Variants in UNC13C observed in about 807,000 individuals in gnomAD.
UNC13C encodes unc-13 homolog C, also known as protein unc-13 homolog C.
A neutral mutation model predicts 245.4 loss-of-function variants in UNC13C; 174 were observed. That is an observed-to-expected ratio of 0.71 (90% confidence interval 0.63 to 0.80). UNC13C has a LOEUF of 0.80. Ranked by LOEUF, UNC13C falls within the 30% of genes least tolerant of loss-of-function variation. The pLI, the probability that UNC13C is intolerant of heterozygous loss-of-function variation, is 0.00. For missense variants in UNC13C, 2,829 were observed against 2,602.9 expected (o/e 1.09, Z -1.89); for synonymous variants, 992 against 895.1 (o/e 1.11, Z -1.93).
chr15:53,918,005 G>T, the UNC13C span, among the ~76,000 whole-genome samples: 7 of 152,170 alleles, frequency 4.6e-5, no homozygotes, highest in Admixed American at 3.3e-4. Flanking sequence ...CCGGGCACGG[G>T]GGGTAGCAGT....
At chr15:54,015,935 G>A in intron 2 of UNC13C, 49 bp downstream of exon 2, 2 of 1,418,710 alleles carry the variant, frequency 1.4e-6, no homozygotes, top group Non-Finnish European at 1.9e-6. Context: ...TTTTAACATT[G>A]GGTAGCACTT....
At chr15:54,393,861 A>G (rs1480755469) in intron 18 of UNC13C, among the ~76,000 whole-genome samples, 2 of 151,904 alleles carry the variant, frequency 1.3e-5, no homozygotes, top group Non-Finnish European at 2.9e-5. Flanking sequence ...GATCCAATCC[A>G]ACTTTAATAT....
chr15:54,582,834 G>A (rs1898267392), intron 30 of UNC13C, among the ~76,000 whole-genome samples: 1 of 152,030 alleles, frequency 6.6e-6, no homozygotes, highest in African/African-American at 2.4e-5. Flanking sequence ...TTAAAATGTT[G>A]ACCATTTATA....
chr15:54,256,920 A>C (rs764903948), intron 8 of UNC13C, among the ~76,000 whole-genome samples: 17 of 152,192 alleles, frequency 1.1e-4, no homozygotes, highest in Non-Finnish European at 2.5e-4. Flanking sequence ...GTCTTACTTT[A>C]ACACTGTTGC....
intron 27 of UNC13C, among the ~76,000 whole-genome samples, chr15:54,549,199 G>A (rs1045503454): frequency 2.6e-5 from 4 of 152,158 alleles, no homozygotes; most frequent in African/African-American, 9.7e-5. Flanking sequence ...GGTTAAGAGG[G>A]TAGTCGCTAA....
the UNC13C span, among the ~76,000 whole-genome samples, chr15:53,920,580 T>G: frequency 2.6e-5 from 4 of 151,804 alleles, no homozygotes; most frequent in African/African-American, 9.7e-5. Context: ...AAAGCAAAAT[T>G]ATATTTATAA....
intron 30 of UNC13C, among the ~76,000 whole-genome samples, chr15:54,608,926 T>C (rs1899927701): frequency 6.6e-6 from 1 of 152,212 alleles, no homozygotes. Context: ...GCCTTTTCTG[T>C]AGGATAGTTA....
chr15:54,355,837 C>A (rs1285939163), intron 17 of UNC13C, among the ~76,000 whole-genome samples: 1 of 152,094 alleles, frequency 6.6e-6, no homozygotes, highest in African/African-American at 2.4e-5. Flanking sequence ...TCTGCATATC[C>A]TTTCAGAGAT....
At chr15:54,277,401 A>T (rs773244454) in intron 10 of UNC13C, among the ~76,000 whole-genome samples, 5 of 152,164 alleles carry the variant, frequency 3.3e-5, no homozygotes, top group Non-Finnish European at 7.4e-5. Flanking sequence ...GATCCATATC[A>T]TCTTTTTTCA....
chr15:54,049,369 T>C, intron 2 of UNC13C: 1 of 514,644 alleles, frequency 1.9e-6, no homozygotes, highest in Non-Finnish European at 3.9e-6. Flanking sequence ...TCTTTCTGCC[T>C]GCAGGATAAA....
At chr15:54,409,152 T>C (rs1754319163) in intron 18 of UNC13C, among the ~76,000 whole-genome samples, 1 of 152,198 alleles carries the variant, frequency 6.6e-6, no homozygotes, top group African/African-American at 2.4e-5. Flanking sequence ...ATTTTTACTC[T>C]TATTAAGGTG....
chr15:54,617,232 T>C (rs938434595), intron 30 of UNC13C, among the ~76,000 whole-genome samples: 3 of 152,244 alleles, frequency 2.0e-5, no homozygotes, highest in African/African-American at 7.2e-5. Context: ...CTAGGTCCTA[T>C]ATAAAAGTAA....
At chr15:54,164,451 G>C (rs969294358) in intron 4 of UNC13C, among the ~76,000 whole-genome samples, 1 of 152,104 alleles carries the variant, frequency 6.6e-6, no homozygotes, top group Non-Finnish European at 1.5e-5. Flanking sequence ...AGACAGTGTG[G>C]CTTGGCCAAA....
At chr15:54,428,925 T>A (rs540011541) in intron 19 of UNC13C, among the ~76,000 whole-genome samples, 5 of 151,722 alleles carry the variant, frequency 3.3e-5, no homozygotes, top group Non-Finnish European at 4.4e-5. Context: ...TGCCTCTTTC[T>A]TCACATGCTT....
chr15:54,070,279 C>T (rs1453322896), intron 2 of UNC13C, among the ~76,000 whole-genome samples: 2 of 152,146 alleles, frequency 1.3e-5, no homozygotes, highest in Non-Finnish European at 2.9e-5. Context: ...TTCAGAAATA[C>T]TTCATCACCC....
At chr15:54,589,289 CTTTTT>C (rs71105821) in intron 30 of UNC13C, among the ~76,000 whole-genome samples, 65 of 53,466 alleles carry the variant, frequency 1.2e-3, no homozygotes, top group Non-Finnish European at 3.7e-4. Flanking sequence ...TCTTCTTCTT[CTTTTT>C]TTTTTTTTTT....
intron 30 of UNC13C, among the ~76,000 whole-genome samples, chr15:54,569,599 T>G (rs1202052418): frequency 2.0e-5 from 3 of 150,982 alleles, no homozygotes; most frequent in African/African-American, 7.4e-5. Flanking sequence ...TTTGTTTGTG[T>G]GTGTGTGTGT....
chr15:54,260,418 G>A (rs1000554322), intron 8 of UNC13C, among the ~76,000 whole-genome samples: 10 of 152,000 alleles, frequency 6.6e-5, no homozygotes, highest in Admixed American at 6.5e-4. Flanking sequence ...TGAGGTAGGT[G>A]ACTTTAGAGT....
chr15:54,049,518 A>T, intron 2 of UNC13C: 1 of 324,690 alleles, frequency 3.1e-6, no homozygotes, highest in East Asian at 9.3e-5. Context: ...TGGAATTCCA[A>T]TAAGTTCACT....
Sources: gnomAD v4.1 joint callset for allele counts (sites outside exome capture counted in the v4.1 genomes callset) on GRCh38, gnomAD v4.1.1 for gene constraint, MANE v1.5 for transcripts, NCBI Gene and HGNC (gene_info 2026-07-23, HGNC 2026-07-21) for gene names.